RXFP1: variants seen among roughly 807,000 people sequenced by gnomAD.
RXFP1 encodes relaxin receptor 1.
Under a neutral mutation model 89.8 loss-of-function variants are expected in RXFP1, and 73 were observed. The ratio of observed to expected loss-of-function variants is 0.81; its 90% CI spans 0.67 to 0.99. The LOEUF (loss-of-function observed/expected upper bound fraction) is 0.99. Among genes scored for constraint, RXFP1 ranks in the 50% least tolerant of loss-of-function variants. The pLI is 0.00. For missense variants in RXFP1, 793 were observed against 895.5 expected (o/e 0.89, Z 1.46); for synonymous variants, 277 against 305.5 (o/e 0.91, Z 0.97).
chr4:158,571,140 G>A (rs1754978470), intron 1 of RXFP1, among the ~76,000 whole-genome samples: 1 of 152,080 alleles, frequency 6.6e-6, no homozygotes, highest in Admixed American at 6.6e-5. Flanking sequence ...TCCATAAATT[G>A]TAAATATTTA....
intron 1 of RXFP1, among the ~76,000 whole-genome samples, chr4:158,544,695 G>A (rs966375373): frequency 6.6e-6 from 1 of 152,024 alleles, no homozygotes; most frequent in East Asian, 1.9e-4. Flanking sequence ...AGAACATGAG[G>A]TGTTTGGTTT....
Position 158,633,468 on chromosome 4 carries a change from G to C in RXFP1, c.963G>C (p.Leu321=), listed in dbSNP as rs2150211739. 1 of 1,592,336 alleles carries C rather than the reference G, an allele frequency of 6.3e-7. No homozygotes were observed. The highest frequency in any genetic ancestry group is 1.7e-4 in the Middle Eastern group (1 of 5,992). Residue 321 remains leucine (L), a synonymous_variant, in exon 12 of 18, where the codon CTG becomes CTC. Transcript: ENST00000307765. ...PPLIFKDLKE[L]SQLNLSYNPI... Reference sequence around the variant, plus strand: ...TTATATTCAAGGACCTGAAGGAGCTGTCACAATTGTAAGACTGATGTTAAT... The same window carrying C: ...TTATATTCAAGGACCTGAAGGAGCTCTCACAATTGTAAGACTGATGTTAAT...
chr4:158,621,391 G>A (rs1765609897), intron 9 of RXFP1, among the ~76,000 whole-genome samples: 2 of 152,154 alleles, frequency 1.3e-5, no homozygotes, highest in South Asian at 2.1e-4. Flanking sequence ...TAAAAAGCAT[G>A]TAATTAACCA....
chr4:158,570,284 G>T (rs186095463), intron 1 of RXFP1, among the ~76,000 whole-genome samples: 1 of 152,140 alleles, frequency 6.6e-6, no homozygotes, highest in African/African-American at 2.4e-5. Flanking sequence ...TCCAGGAATC[G>T]GGGAAGGTAT....
chr4:158,632,661 G>T (rs1282871145), intron 11 of RXFP1, among the ~76,000 whole-genome samples: 1 of 152,120 alleles, frequency 6.6e-6, no homozygotes, highest in Non-Finnish European at 1.5e-5. Context: ...GGCATGCAAA[G>T]TATCCTACCC....
Position 158,652,893 on chromosome 4 carries a change from G to T in RXFP1, c.*838G>T, listed in dbSNP as rs1490383151. 6.6e-6 allele frequency: 1 copy of T among 152,154 alleles called. No individual in the cohort carries two copies. The highest frequency in any genetic ancestry group is 2.4e-5 in the African/African-American group (1 of 41,432). 9.4% of individuals were successfully genotyped at this position (152,154 alleles called of 1,614,324 possible). ...TTCAACAAGGATGCCAAGACAAAAAGGCTTTTCAACAAACCGTGCTGTTTT... is the reference window on the plus strand; with the variant it reads ...TTCAACAAGGATGCCAAGACAAAAATGCTTTTCAACAAACCGTGCTGTTTT... On this transcript the variant is annotated 3_prime_UTR_variant, in exon 18 of 18. Coordinates refer to ENST00000307765, the MANE Select transcript of RXFP1 (RefSeq NM_021634.4).
chr4:158,525,929 A>G (rs1278977551), intron 1 of RXFP1, among the ~76,000 whole-genome samples: 1 of 152,224 alleles, frequency 6.6e-6, no homozygotes. Flanking sequence ...TTAAATTATA[A>G]TATAGAATTT....
chr4:158,638,380 C>T (rs1182763680), intron 13 of RXFP1, among the ~76,000 whole-genome samples: 1 of 152,150 alleles, frequency 6.6e-6, no homozygotes, highest in Non-Finnish European at 1.5e-5. Context: ...ACTCTCTTAA[C>T]ACTGGGTATT....
intron 2 of RXFP1, among the ~76,000 whole-genome samples, chr4:158,591,519 C>T (rs1340132027): frequency 2.0e-5 from 3 of 149,194 alleles, no homozygotes; most frequent in Non-Finnish European, 4.4e-5. Flanking sequence ...GAGGCCAAAG[C>T]AGGTAGATCA....
At chr4:158,600,005 T>G (rs1291631564) in intron 4 of RXFP1, among the ~76,000 whole-genome samples, 1 of 152,232 alleles carries the variant, frequency 6.6e-6, no homozygotes, top group Non-Finnish European at 1.5e-5. Flanking sequence ...AAGTGGTTTG[T>G]TGATTTCTAG....
chr4:158,584,881 A>G (rs1020278926), intron 2 of RXFP1, among the ~76,000 whole-genome samples: 1 of 152,252 alleles, frequency 6.6e-6, no homozygotes, highest in South Asian at 2.1e-4. Flanking sequence ...CAATTTTATT[A>G]TCCAATTCAT....
intron 2 of RXFP1, among the ~76,000 whole-genome samples, chr4:158,578,289 C>G (rs1421035927): frequency 6.6e-6 from 1 of 152,176 alleles, no homozygotes; most frequent in Non-Finnish European, 1.5e-5. Context: ...GTCACAGACA[C>G]AATCAAACAG....
At chr4:158,643,638 A>AT (rs1423682118) in intron 14 of RXFP1, among the ~76,000 whole-genome samples, 10 of 151,530 alleles carry the variant, frequency 6.6e-5, no homozygotes, top group Non-Finnish European at 1.2e-4. Flanking sequence ...TGCCTGGCTA[A>AT]TTTTTTGTAT....
intron 3 of RXFP1, among the ~76,000 whole-genome samples, chr4:158,595,175 T>C (rs1025042921): frequency 1.3e-5 from 2 of 152,228 alleles, no homozygotes; most frequent in Admixed American, 1.3e-4. Context: ...AATTATTCAA[T>C]TCTCTTACTC....
Position 158,521,952 on chromosome 4 carries a change from T to G in RXFP1, c.-25T>G. 6.3e-7 allele frequency: 1 copy of G among 1,596,952 alleles called. No individual in the cohort carries two copies. Among genetic ancestry groups the G allele is most frequent in the East Asian group, 2.2e-5 (1 of 44,630 alleles). On this transcript the variant is annotated 5_prime_UTR_variant, in exon 1 of 18. In the 5' UTR this introduces an upstream ATG that the reference lacks. Coordinates refer to ENST00000307765, the MANE Select transcript of RXFP1 (RefSeq NM_021634.4). ...AAGACCAAATTTTGCTCACTTTCAT[T>G]AATCAGTTGCTCAGATAGAAGGAAA...
chr4:158,637,906 T>C (rs937590753), intron 12 of RXFP1, 102 bp from the exon 13 acceptor site: 1 of 711,586 alleles, frequency 1.4e-6, no homozygotes, highest in African/African-American at 1.8e-5. Flanking sequence ...ATTGTATACT[T>C]TCGTTCATAA....
At chr4:158,532,658 C>T (rs1025945552) in intron 1 of RXFP1, among the ~76,000 whole-genome samples, 20 of 152,136 alleles carry the variant, frequency 1.3e-4, no homozygotes, top group African/African-American at 4.6e-4. Context: ...AACCACTTTT[C>T]CACATTGTCC....
intron 16 of RXFP1, among the ~76,000 whole-genome samples, chr4:158,647,938 C>G (rs567563348): frequency 1.3e-5 from 2 of 151,804 alleles, no homozygotes; most frequent in Admixed American, 1.3e-4. Context: ...ATTGCTTGAA[C>G]GCAGAAGGCA....
At chr4:158,547,145 T>C (rs890301218) in intron 1 of RXFP1, among the ~76,000 whole-genome samples, 6 of 152,134 alleles carry the variant, frequency 3.9e-5, no homozygotes, top group Non-Finnish European at 5.9e-5. Flanking sequence ...TTGGTCTATT[T>C]AGAGATTCAA....
Sources: allele counts gnomAD v4.1 joint callset (sites outside exome capture counted in the v4.1 genomes callset), GRCh38; gene constraint gnomAD v4.1.1; transcripts MANE v1.5; gene names NCBI Gene and HGNC (gene_info 2026-07-23, HGNC 2026-07-21).